RALYL: variants seen among roughly 807,000 people sequenced by gnomAD.
RALYL encodes the protein RNA-binding Raly-like protein.
In RALYL, 29 loss-of-function variants were observed where a neutral mutation model predicts 35.1. The observed-to-expected ratio is 0.83, with a 90% confidence interval of 0.61 to 1.13. The LOEUF is 1.13. Ranked by LOEUF, RALYL falls within the 50% of genes most tolerant of loss-of-function variation. RALYL has a pLI of 0.00. For synonymous variants in RALYL, 120 were observed against 127.6 expected (o/e 0.94, Z 0.40); for missense variants, 359 against 360.4 (o/e 1.00, Z 0.03).
At chr8:84,700,476 G>A (rs1839989285) in intron 2 of RALYL, among the ~76,000 whole-genome samples, 3 of 151,948 alleles carry the variant, frequency 2.0e-5, no homozygotes, top group Admixed American at 2.0e-4. Flanking sequence ...ACAAAACTAA[G>A]GAGTACAGAA....
At chr8:84,460,566 A>G (rs778302653) in intron 1 of RALYL, among the ~76,000 whole-genome samples, 2 of 151,716 alleles carry the variant, frequency 1.3e-5, no homozygotes, top group Non-Finnish European at 3.0e-5. Flanking sequence ...ATCAAGGTTC[A>G]GAACAGTGTG....
At chr8:84,863,372 A>C (rs573321351) in intron 6 of RALYL, among the ~76,000 whole-genome samples, 2 of 152,212 alleles carry the variant, frequency 1.3e-5, no homozygotes, top group Non-Finnish European at 2.9e-5. Flanking sequence ...TAAGGAAGCC[A>C]GTGTGGCTGC....
chr8:84,913,961 A>G (rs1232335645), intron 8 of RALYL, among the ~76,000 whole-genome samples: 2 of 152,002 alleles, frequency 1.3e-5, no homozygotes, highest in Non-Finnish European at 2.9e-5. Flanking sequence ...TTGAATGTGT[A>G]TACAGTAAAT....
chr8:84,860,693 A>G (rs1563761320), intron 5 of RALYL, among the ~76,000 whole-genome samples: 1 of 152,134 alleles, frequency 6.6e-6, no homozygotes, highest in Non-Finnish European at 1.5e-5. Context: ...TTCAGCTCTA[A>G]TGGACTTTGC....
intron 1 of RALYL, among the ~76,000 whole-genome samples, chr8:84,266,816 C>CG (rs1397102284): frequency 4.0e-5 from 6 of 151,754 alleles, no homozygotes; most frequent in Non-Finnish European, 8.8e-5. Context: ...AAAAATTAGC[C>CG]GGGCGTGGTA....
chr8:84,227,668 G>A (rs556928445), intron 1 of RALYL, among the ~76,000 whole-genome samples: 28 of 151,948 alleles, frequency 1.8e-4, no homozygotes, highest in African/African-American at 6.3e-4. Flanking sequence ...ACTATGTGAT[G>A]GTATTTTTTC....
chr8:84,269,821 T>G (rs1052600238), intron 1 of RALYL, among the ~76,000 whole-genome samples: 2 of 152,184 alleles, frequency 1.3e-5, no homozygotes, highest in East Asian at 3.9e-4. Flanking sequence ...TCCAAATATA[T>G]TATTAGAAAA....
chr8:84,198,473 T>A (rs750165351), intron 1 of RALYL, among the ~76,000 whole-genome samples: 1 of 152,110 alleles, frequency 6.6e-6, no homozygotes, highest in Non-Finnish European at 1.5e-5. Flanking sequence ...GAAAATGTGA[T>A]ATCCATCCCC....
chr8:84,253,805 C>T (rs1830702272), intron 1 of RALYL, among the ~76,000 whole-genome samples: 1 of 152,094 alleles, frequency 6.6e-6, no homozygotes, highest in Non-Finnish European at 1.5e-5. Context: ...ATTTCTTCCT[C>T]TGACACTGTT....
At chr8:84,497,956 AGT>A (rs2056251287) in intron 1 of RALYL, among the ~76,000 whole-genome samples, 1 of 19,344 alleles carries the variant, frequency 5.2e-5, no homozygotes, top group Admixed American at 6.1e-4. Context: ...TTGCTTTTTA[AGT>A]TTTTTTTTTT....
intron 1 of RALYL, among the ~76,000 whole-genome samples, chr8:84,202,367 A>G (rs1202548408): frequency 1.8e-5 from 2 of 113,448 alleles, no homozygotes; most frequent in African/African-American, 3.2e-5. Flanking sequence ...TATTGAAGGG[A>G]TTTTTTTTTT....
intron 1 of RALYL, among the ~76,000 whole-genome samples, chr8:84,483,696 T>C (rs1457369578): frequency 6.6e-6 from 1 of 152,118 alleles, no homozygotes; most frequent in Non-Finnish European, 1.5e-5. Context: ...ATTATCAAAC[T>C]ACAACAGAGA....
At chr8:84,391,844 C>T (rs527374272) in intron 1 of RALYL, among the ~76,000 whole-genome samples, 1 of 152,146 alleles carries the variant, frequency 6.6e-6, no homozygotes, top group Admixed American at 6.6e-5. Context: ...TGCTGCCACT[C>T]CCAACAAACA....
At chr8:84,691,186 T>C (rs1837970215) in intron 2 of RALYL, among the ~76,000 whole-genome samples, 2 of 152,080 alleles carry the variant, frequency 1.3e-5, no homozygotes, top group Admixed American at 1.3e-4. Context: ...GTATTGTTTG[T>C]CAGGATAACT....
At chr8:84,485,023 G>T (rs7845599) in intron 1 of RALYL, among the ~76,000 whole-genome samples, 62,588 of 151,770 alleles carry the variant, frequency 0.41, 12,979 homozygotes, top group South Asian at 0.53. Flanking sequence ...CTTCCCCTAC[G>T]GTACTTATAC....
rs1179040600 is a variant in RALYL, at chr8:84,379,364, T to G, written c.-23-149935T>G. Among the ~76,000 whole-genome samples, 3 of 151,930 alleles carry G rather than the reference T, an allele frequency of 2.0e-5. No individual in the cohort carries two copies. In the South Asian group the frequency reaches 6.2e-4, roughly 31 times the overall value. On this transcript the variant is annotated intron_variant, in intron 1 of 8. Transcript: ENST00000521268. ...TGGTTTATGTTCCCTTGACTGATTG[T>G]ACAACTTCAGTCACATATGGTGAGG...
intron 2 of RALYL, among the ~76,000 whole-genome samples, chr8:84,731,278 A>C (rs72681025): frequency 0.2 from 30,123 of 152,068 alleles, 3,293 homozygotes; most frequent in Non-Finnish European, 0.24. Context: ...ACTCATGTTC[A>C]TTTGGCCCTC....
intron 2 of RALYL, among the ~76,000 whole-genome samples, chr8:84,743,593 G>T (rs575067329): frequency 6.6e-6 from 1 of 152,106 alleles, no homozygotes; most frequent in Admixed American, 6.6e-5. Context: ...CAGAAGAAAA[G>T]GCTGAAAAGT....
chr8:84,514,845 G>T (rs1250765064), intron 1 of RALYL, among the ~76,000 whole-genome samples: 1 of 130,138 alleles, frequency 7.7e-6, no homozygotes, highest in African/African-American at 2.7e-5. Flanking sequence ...TTTTGCAGGT[G>T]CTAGTATTAT....
Sources: allele counts gnomAD v4.1 joint callset (sites outside exome capture counted in the v4.1 genomes callset), GRCh38; gene constraint gnomAD v4.1.1; transcripts MANE v1.5; gene names NCBI Gene and HGNC (gene_info 2026-07-23, HGNC 2026-07-21).